The following SPECC1 variants were observed in gnomAD, a reference collection of about 807,000 sequenced individuals.
The protein encoded by SPECC1 is sperm antigen with calponin homology and coiled-coil domains 1, also known as cytospin-B.
Under a neutral mutation model 104.1 loss-of-function variants are expected in SPECC1, and 62 were observed. The observed-to-expected ratio is 0.60, with a 90% CI of 0.49 to 0.74. The LOEUF (loss-of-function observed/expected upper bound fraction) is 0.74. Among genes scored for constraint, SPECC1 ranks in the 30% least tolerant of loss-of-function variants. The probability of loss-of-function intolerance (pLI) is 0.00; values close to 1 mark genes in which losing one functional copy is unlikely to be tolerated. For missense variants in SPECC1, 1,306 were observed against 1,310.5 expected (o/e 1.00, Z 0.05); for synonymous variants, 513 against 501.6 (o/e 1.02, Z -0.30).
At chr17:20,082,985 C>CGTTT (rs960655097) in intron 1 of SPECC1, among the ~76,000 whole-genome samples, 1 of 151,568 alleles carries the variant, frequency 6.6e-6, no homozygotes. Context: ...TTCGTTCGTT[C>CGTTT]GTTCGTTCGT....
At chr17:20,116,189 G>A (rs953066980) in intron 3 of SPECC1, among the ~76,000 whole-genome samples, 2 of 152,030 alleles carry the variant, frequency 1.3e-5, no homozygotes, top group Admixed American at 6.5e-5. Flanking sequence ...CCAGTTTCAC[G>A]CCATTCTCCT....
At chr17:20,227,280 G>A (rs2038276859) in intron 4 of SPECC1, 133 bp from the exon 5 acceptor site, 1 of 748,422 alleles carries the variant, frequency 1.3e-6, no homozygotes, top group Non-Finnish European at 2.2e-6. Context: ...TTTTATTTTA[G>A]ATTGAAGAGG....
intron 3 of SPECC1, among the ~76,000 whole-genome samples, chr17:20,201,526 T>C (rs1344825036): frequency 6.6e-6 from 1 of 152,122 alleles, no homozygotes; most frequent in Non-Finnish European, 1.5e-5. Flanking sequence ...AATTTAGTGA[T>C]GTTATTAAGA....
intron 4 of SPECC1, among the ~76,000 whole-genome samples, chr17:20,219,969 C>T (rs1345814039): frequency 6.6e-6 from 1 of 152,020 alleles, no homozygotes; most frequent in African/African-American, 2.4e-5. Flanking sequence ...GCACCTTTGT[C>T]GAAAATGAGT....
chr17:20,231,819 C>T lies in SPECC1; in HGVS notation c.2133C>T (p.Thr711=), dbSNP rs751191258. The change falls in exon 6 of 15, where the codon ACC becomes ACT. Residue 711 remains threonine, a synonymous_variant. Transcript: ENST00000395527. The stretch of plus-strand genomic sequence containing the variant: ...TGGAGAGGCAGCTGAAGACTCTGAC[C>T]AAGCAGATGAAGGTGAGATGCGGGT... ...SDLERQLKTL[T]KQMKEETEEW... is the part of the protein sequence containing the mutation. 2 of 1,614,018 alleles carry T rather than the reference C, an allele frequency of 1.2e-6. No individual in the cohort carries two copies. The highest frequency in any genetic ancestry group is 2.2e-5 in the East Asian group (1 of 44,854).
At chr17:20,227,712 C>T (rs534671429) in intron 5 of SPECC1, 92 bp downstream of exon 5, 13 of 1,205,958 alleles carry the variant, frequency 1.1e-5, no homozygotes, top group African/African-American at 9.4e-5. Flanking sequence ...GTCAGAAGTT[C>T]GAGACCCAGC....
At chr17:20,238,381 C>T in intron 7 of SPECC1, 1 of 1,041,688 alleles carries the variant, frequency 9.6e-7, no homozygotes, top group Non-Finnish European at 1.2e-6. Context: ...AAATCCAATT[C>T]AGCAACCTCC....
At chr17:20,243,966 T>G (rs1457434180) in intron 7 of SPECC1, among the ~76,000 whole-genome samples, 1 of 152,016 alleles carries the variant, frequency 6.6e-6, no homozygotes, top group East Asian at 1.9e-4. Flanking sequence ...CCTGTAATCC[T>G]GGCACTTTGG....
chr17:20,013,629 G>A (rs2044017040), intron 1 of SPECC1, among the ~76,000 whole-genome samples: 2 of 152,148 alleles, frequency 1.3e-5, no homozygotes, highest in East Asian at 1.9e-4. Flanking sequence ...AGCCTCCCGA[G>A]TAGCTGGAAT....
intron 3 of SPECC1, among the ~76,000 whole-genome samples, chr17:20,190,864 C>T (rs1337354366): frequency 6.6e-6 from 1 of 152,140 alleles, no homozygotes; most frequent in Non-Finnish European, 1.5e-5. Context: ...CCTGGCTCTA[C>T]TTATTCATTC....
intron 4 of SPECC1, among the ~76,000 whole-genome samples, chr17:20,222,207 C>T (rs1487297541): frequency 2.0e-5 from 3 of 152,054 alleles, no homozygotes; most frequent in Non-Finnish European, 2.9e-5. Flanking sequence ...GTGGCATGCA[C>T]CTGTAGTCCC....
chr17:20,267,775 G>A (rs1043956485), intron 12 of SPECC1, among the ~76,000 whole-genome samples: 2 of 152,160 alleles, frequency 1.3e-5, no homozygotes, highest in Non-Finnish European at 2.9e-5. Context: ...GAGTTTTGAG[G>A]TTGACAACTG....
intron 9 of SPECC1, among the ~76,000 whole-genome samples, chr17:20,251,529 A>G (rs2039634658): frequency 2.0e-5 from 3 of 152,194 alleles, no homozygotes; most frequent in Non-Finnish European, 4.4e-5. Context: ...CACGACCATT[A>G]TATTTTTGTG....
chr17:20,035,713 C>T (rs2045044878), intron 1 of SPECC1, among the ~76,000 whole-genome samples: 2 of 152,268 alleles, frequency 1.3e-5, no homozygotes, highest in African/African-American at 4.8e-5. Flanking sequence ...CCTCAAACTA[C>T]TGACCTAAAA....
At chr17:20,063,420 T>A (rs1280741960) in intron 1 of SPECC1, among the ~76,000 whole-genome samples, 1 of 152,240 alleles carries the variant, frequency 6.6e-6, no homozygotes, top group Non-Finnish European at 1.5e-5. Flanking sequence ...TCCTTTTTTC[T>A]TTCTTGATTA....
At chr17:20,170,808 T>C (rs543315631) in intron 3 of SPECC1, among the ~76,000 whole-genome samples, 1 of 152,328 alleles carries the variant, frequency 6.6e-6, no homozygotes, top group South Asian at 2.1e-4. Flanking sequence ...CGGTTTATGA[T>C]AAACCTAGAA....
At chr17:20,079,030 A>G (rs1222280345) in intron 1 of SPECC1, among the ~76,000 whole-genome samples, 1 of 152,230 alleles carries the variant, frequency 6.6e-6, no homozygotes, top group Admixed American at 6.5e-5. Context: ...TGGGAAAGTG[A>G]GTGACAGATT....
chr17:20,077,465 TG>T (rs1567827110), intron 1 of SPECC1, among the ~76,000 whole-genome samples: 2 of 149,478 alleles, frequency 1.3e-5, no homozygotes, highest in African/African-American at 2.6e-5. Flanking sequence ...TTTGTTTGTT[TG>T]TTTTGTTTTT....
At chr17:20,112,740 G>T in intron 3 of SPECC1, 4 of 1,213,010 alleles carry the variant, frequency 3.3e-6, no homozygotes, top group Non-Finnish European at 4.9e-6. Flanking sequence ...AATTTAGAAG[G>T]TGCTAACCTG....
Sources: gnomAD v4.1 joint callset for allele counts (sites outside exome capture counted in the v4.1 genomes callset) on GRCh38, gnomAD v4.1.1 for gene constraint, MANE v1.5 for transcripts, NCBI Gene and HGNC (gene_info 2026-07-23, HGNC 2026-07-21) for gene names.